Variants in ZNF385B observed in about 807,000 individuals in gnomAD.
ZNF385B encodes zinc finger protein 385B.
A neutral mutation model predicts 39.2 loss-of-function variants in ZNF385B; 23 were observed. The ratio of observed to expected loss-of-function variants is 0.59; its 90% CI spans 0.42 to 0.83. The LOEUF (loss-of-function observed/expected upper bound fraction) is 0.83, where lower values mean the gene tolerates loss of function less well. ZNF385B is among the 40% of genes least tolerant of loss of function. The probability of loss-of-function intolerance (pLI) is 0.00; values close to 1 mark genes in which losing one functional copy is unlikely to be tolerated. For synonymous variants in ZNF385B, 205 were observed against 222.6 expected (o/e 0.92, Z 0.70); for missense variants, 552 against 598.9 (o/e 0.92, Z 0.82).
At chr2:179,498,027 A>C (rs114709356) in intron 5 of ZNF385B, among the ~76,000 whole-genome samples, 2 of 152,266 alleles carry the variant, frequency 1.3e-5, no homozygotes, top group African/African-American at 4.8e-5. Flanking sequence ...TTTAATATAC[A>C]TGCACCCAAC....
chr2:179,744,330 A>ATTT (rs1553520966), intron 3 of ZNF385B, among the ~76,000 whole-genome samples: 1 of 149,626 alleles, frequency 6.7e-6, no homozygotes, highest in Non-Finnish European at 1.5e-5. Flanking sequence ...TTTTTTTTAA[A>ATTT]TCATAGAGAC....
rs779898615 is a variant in ZNF385B at position 179,769,761 on chromosome 2, C to T, written c.40G>A (p.Gly14Arg). ...SLSPDNHLED[G>R]IMNMANFLRG... ...AGAAAATTTGCCATATTCATGATTC[C>T]ATCTTCAAGATGGTTGTCAGGGCTT... Residue 14 changes from glycine to arginine, a missense_variant, in exon 3 of 10, where the codon GGA becomes AGA. Gly to Arg is a moderately radical substitution (Grantham distance 125). Coordinates refer to ENST00000410066, the MANE Select transcript of ZNF385B (RefSeq NM_152520.6). The T allele has an allele frequency of 4.3e-6, 7 of 1,613,766 alleles. No individual in the cohort carries two copies.
At chr2:179,506,133 T>C (rs1332844566) in intron 5 of ZNF385B, among the ~76,000 whole-genome samples, 1 of 152,140 alleles carries the variant, frequency 6.6e-6, no homozygotes, top group African/African-American at 2.4e-5. Context: ...GAGGAATCCT[T>C]CAAGCTTGTT....
chr2:179,839,280 C>A (rs370597495), intron 1 of ZNF385B, among the ~76,000 whole-genome samples: 1 of 152,166 alleles, frequency 6.6e-6, no homozygotes, highest in Non-Finnish European at 1.5e-5. Flanking sequence ...TACCTAATCT[C>A]GAGGACCTTA....
chr2:179,778,923 A>G (rs1358669542), intron 1 of ZNF385B, among the ~76,000 whole-genome samples: 1 of 152,224 alleles, frequency 6.6e-6, no homozygotes, highest in Non-Finnish European at 1.5e-5. Context: ...TAATTGATAC[A>G]TAATAATCAT....
At chr2:179,550,700 G>A (rs928691633) in intron 3 of ZNF385B, among the ~76,000 whole-genome samples, 2 of 149,488 alleles carry the variant, frequency 1.3e-5, no homozygotes, top group South Asian at 2.2e-4. Context: ...CTTATTGCTT[G>A]TTTTTGCAAA....
At chr2:179,649,199 AAAC>A (rs1207432095) in intron 3 of ZNF385B, among the ~76,000 whole-genome samples, 2 of 152,356 alleles carry the variant, frequency 1.3e-5, no homozygotes, top group Non-Finnish European at 2.9e-5. Context: ...GAAAATTAAA[AAAC>A]AACAACACCA....
chr2:179,703,538 C>T lies in ZNF385B; in HGVS notation c.298+65965G>A, dbSNP rs143553636. Among the ~76,000 whole-genome samples the T allele has an allele frequency of 6.0e-3, 918 of 152,218 alleles. 11 individuals carry two copies. Among genetic ancestry groups the T allele is most frequent in the African/African-American group, 0.02 (845 of 41,534 alleles). ...AGGTTTTGTTCACTGCTTTCCAATA[C>T]CTATAACAGTGTCTGGCATATAGTA... On this transcript the variant is annotated intron_variant, in intron 3 of 9. Transcript: ENST00000410066.
intron 3 of ZNF385B, among the ~76,000 whole-genome samples, chr2:179,709,993 C>A (rs574282796): frequency 6.6e-6 from 1 of 152,326 alleles, no homozygotes; most frequent in East Asian, 1.9e-4. Context: ...TTACCAGACA[C>A]AAAGTGCAGG....
At chr2:179,662,902 G>A (rs1005168707) in intron 3 of ZNF385B, among the ~76,000 whole-genome samples, 34 of 151,960 alleles carry the variant, frequency 2.2e-4, no homozygotes, top group Non-Finnish European at 8.8e-5. Context: ...AAATCATTGA[G>A]GAGCACAGTT....
chr2:179,713,128 T>C (rs1472335820), intron 3 of ZNF385B, among the ~76,000 whole-genome samples: 6 of 152,220 alleles, frequency 3.9e-5, no homozygotes, highest in Non-Finnish European at 8.8e-5. Flanking sequence ...TAGGCTAAGA[T>C]ATGATGTTCA....
intron 3 of ZNF385B, among the ~76,000 whole-genome samples, chr2:179,618,157 C>A (rs1229839871): frequency 5.3e-5 from 8 of 152,036 alleles, no homozygotes. Flanking sequence ...AATTCCCAAG[C>A]CTTATCAAGG....
chr2:179,784,122 C>T (rs1178220793), intron 1 of ZNF385B, among the ~76,000 whole-genome samples: 1 of 152,086 alleles, frequency 6.6e-6, no homozygotes, highest in Non-Finnish European at 1.5e-5. Flanking sequence ...TAAATGTATG[C>T]CATGGAATAT....
In ZNF385B at chr2:179,443,265, G is replaced by A. The variant is rs1453359452; in HGVS notation, c.1446C>T (p.Leu482=). Residue 482 remains leucine, a synonymous_variant, in exon 10 of 10, where the codon CTC becomes CTT. Transcript: ENST00000410066. Reference sequence around the variant, plus strand: ...TTTGCAGACGTTAGTACGGAGCAAAGAGGATGGAGGCAGGAGTGGCGCGGA... The same window carrying A: ...TTTGCAGACGTTAGTACGGAGCAAAAAGGATGGAGGCAGGAGTGGCGCGGA... ...GPIRATPASI[L]FAPY 3.7e-6 allele frequency: 6 copies of A among 1,612,352 alleles called. No homozygotes were observed. The highest frequency in any genetic ancestry group is 2.7e-5 in the African/African-American group (2 of 74,904).
chr2:179,730,878 C>T (rs1015436350), intron 3 of ZNF385B, among the ~76,000 whole-genome samples: 1 of 152,202 alleles, frequency 6.6e-6, no homozygotes, highest in Non-Finnish European at 1.5e-5. Flanking sequence ...GTCCTTGCCA[C>T]ACACTGATTG....
intron 3 of ZNF385B, among the ~76,000 whole-genome samples, chr2:179,705,104 A>G (rs1189072889): frequency 1.3e-5 from 2 of 151,378 alleles, no homozygotes; most frequent in East Asian, 3.9e-4. Flanking sequence ...ATAGAAAATA[A>G]GACAAAAAAA....
At chr2:179,819,874 AC>A (rs1707297932) in intron 1 of ZNF385B, among the ~76,000 whole-genome samples, 2 of 152,190 alleles carry the variant, frequency 1.3e-5, no homozygotes, top group Non-Finnish European at 2.9e-5. Context: ...ATTGTATTAT[AC>A]TTTTTTCATA....
At chr2:179,493,784 C>CATATATGTATACATATATGTATATGTAT (rs1559338478) in intron 5 of ZNF385B, among the ~76,000 whole-genome samples, 1 of 88,512 alleles carries the variant, frequency 1.1e-5, no homozygotes, top group Non-Finnish European at 2.4e-5. Context: ...TGTATATACA[C>CATATATGTATACATATATGTATATGTAT]ATATGTATAC....
chr2:179,696,970 A>C (rs1698815158), intron 3 of ZNF385B, among the ~76,000 whole-genome samples: 1 of 152,206 alleles, frequency 6.6e-6, no homozygotes, highest in South Asian at 2.1e-4. Flanking sequence ...AGCTCACAGC[A>C]AGGACCAGTG....
Sources: allele counts gnomAD v4.1 joint callset (sites outside exome capture counted in the v4.1 genomes callset), GRCh38; gene constraint gnomAD v4.1.1; transcripts MANE v1.5; gene names NCBI Gene and HGNC (gene_info 2026-07-23, HGNC 2026-07-21).